TRHDE: variants seen among roughly 807,000 people sequenced by gnomAD.
The protein encoded by TRHDE is thyrotropin releasing hormone degrading enzyme.
TRHDE carries 72 observed loss-of-function variants against 125.7 expected under a neutral mutation model. The observed-to-expected ratio is 0.57, with a 90% CI of 0.47 to 0.70. TRHDE has a LOEUF of 0.70. Ranked by LOEUF, TRHDE falls within the 30% of genes least tolerant of loss-of-function variation. The pLI is 0.00. For missense variants in TRHDE, 1,110 were observed against 1,327.1 expected, an observed-to-expected ratio of 0.84 and a Z score of 2.54; for synonymous variants, 509 against 509.1, an observed-to-expected ratio of 1.00 and a Z score of 0.00.
intron 10 of TRHDE, among the ~76,000 whole-genome samples, chr12:72,574,657 C>G (rs1175760527): frequency 6.6e-6 from 1 of 151,924 alleles, no homozygotes; most frequent in African/African-American, 2.4e-5. Flanking sequence ...CCAAAGTGAT[C>G]CCAATAAGCA....
chr12:72,647,083 G>A (rs889548217), intron 15 of TRHDE, among the ~76,000 whole-genome samples: 4 of 151,864 alleles, frequency 2.6e-5, no homozygotes, highest in Non-Finnish European at 1.5e-5. Flanking sequence ...CATAAAACAA[G>A]TCTTAACAAA....
intron 2 of TRHDE, among the ~76,000 whole-genome samples, chr12:72,151,672 T>C (rs1299736811): frequency 2.0e-5 from 3 of 152,126 alleles, no homozygotes; most frequent in Non-Finnish European, 4.4e-5. Flanking sequence ...CCATTGCTTG[T>C]TTTTCTCAGG....
intron 6 of TRHDE, among the ~76,000 whole-genome samples, chr12:72,540,246 G>T (rs1357288238): frequency 1.3e-5 from 2 of 151,608 alleles, no homozygotes; most frequent in African/African-American, 4.8e-5. Flanking sequence ...GTTCAGATGG[G>T]TAACATAGTC....
chr12:72,303,582 C>T (rs1315149322), intron 2 of TRHDE, among the ~76,000 whole-genome samples: 3 of 152,058 alleles, frequency 2.0e-5, no homozygotes, highest in African/African-American at 7.2e-5. Flanking sequence ...GGAAGCTCAG[C>T]TTTAAGGGTA....
chr12:72,378,014 C>T lies in TRHDE; in HGVS notation c.1208C>T (p.Pro403Leu), dbSNP rs774437304. ...AATTAGGTACGATTATATGCAAGAC[C>T]TGATGCTATCAGAAGAGGATCCGGG... Reference protein sequence around the residue: ...SGVVVRLYARPDAIRRGSGDY... With the variant: ...SGVVVRLYARLDAIRRGSGDY... The change falls in exon 3 of 19, where the codon CCT (proline) becomes CTT (leucine). Residue 403 changes from proline to leucine, a missense_variant. This residue lies in a region of TRHDE where 252 missense variants were observed against 274.8 expected (regional missense o/e 0.92). Coordinates refer to ENST00000261180, the MANE Select transcript of TRHDE (RefSeq NM_013381.3). 4 of 1,595,186 alleles carry T rather than the reference C, an allele frequency of 2.5e-6. No homozygotes were observed. Among genetic ancestry groups the T allele is most frequent in the Non-Finnish European group, 3.4e-6 (4 of 1,172,264 alleles).
At chr12:72,551,843 G>T (rs2135998374) in intron 7 of TRHDE, among the ~76,000 whole-genome samples, 1 of 152,238 alleles carries the variant, frequency 6.6e-6, no homozygotes, top group East Asian at 1.9e-4. Flanking sequence ...GTGAGTGGGT[G>T]GTTGGAGCAA....
intron 1 of TRHDE, among the ~76,000 whole-genome samples, chr12:72,282,490 T>C (rs1309453999): frequency 6.6e-6 from 1 of 152,192 alleles, no homozygotes; most frequent in Non-Finnish European, 1.5e-5. Flanking sequence ...CAAAATTATA[T>C]TTTTGAAATT....
intron 15 of TRHDE, among the ~76,000 whole-genome samples, chr12:72,648,550 TC>T: frequency 6.6e-6 from 1 of 152,242 alleles, no homozygotes; most frequent in Non-Finnish European, 1.5e-5. Flanking sequence ...CAGTATATTT[TC>T]AGGATATAAA....
At chr12:72,314,672 G>T (rs1463710261) in intron 2 of TRHDE, among the ~76,000 whole-genome samples, 2 of 152,026 alleles carry the variant, frequency 1.3e-5, no homozygotes, top group Non-Finnish European at 2.9e-5. Context: ...GACCTACCAA[G>T]AGTCACAGGT....
At chr12:72,481,272 T>A (rs1013444486) in intron 5 of TRHDE, among the ~76,000 whole-genome samples, 1 of 146,076 alleles carries the variant, frequency 6.8e-6, no homozygotes, top group Non-Finnish European at 1.5e-5. Flanking sequence ...GTTCAAGATA[T>A]CCCTAGACAA....
intron 2 of TRHDE, among the ~76,000 whole-genome samples, chr12:72,155,524 T>C (rs758614374): frequency 1.6e-4 from 25 of 152,214 alleles, no homozygotes; most frequent in Middle Eastern, 3.2e-3. Flanking sequence ...TTTGTGGTTT[T>C]ATCTACCTTT....
intron 6 of TRHDE, among the ~76,000 whole-genome samples, chr12:72,513,265 C>A (rs1878687267): frequency 6.6e-6 from 1 of 152,066 alleles, no homozygotes; most frequent in South Asian, 2.1e-4. Context: ...CATATATAAA[C>A]CTCAATCAGA....
chr12:72,406,616 C>T (rs1160362397), intron 3 of TRHDE, among the ~76,000 whole-genome samples: 1 of 152,022 alleles, frequency 6.6e-6, no homozygotes, highest in African/African-American at 2.4e-5. Flanking sequence ...TTACTGCTGT[C>T]CTCCCACTCT....
chr12:72,499,038 GAAA>G (rs1878036448), intron 5 of TRHDE, among the ~76,000 whole-genome samples: 1 of 151,332 alleles, frequency 6.6e-6, no homozygotes, highest in Admixed American at 6.6e-5. Flanking sequence ...GAAGGACAGG[GAAA>G]AAAAGAGCTG....
Position 72,272,767 on chromosome 12 carries a change from T to G in TRHDE, c.124T>G (p.Phe42Val). ...GGGGGCCGAGAAGAGCAGCTCACCC[T>G]TCGCAGCCGCGATGGGGGAAGACGA... ...EEGAEKSSSP[F>V]AAAMGEDDAA... Residue 42 changes from phenylalanine to valine, a missense_variant, in exon 1 of 19, where the codon TTC becomes GTC. Phe to Val is a conservative substitution (Grantham distance 50). This residue lies in a region of TRHDE where 248 missense variants were observed against 240.8 expected (regional missense o/e 1.03). Coordinates refer to ENST00000261180, the MANE Select transcript of TRHDE (RefSeq NM_013381.3). This position sits in a 1 kb window ranked among gnomAD's most constrained non-coding sequence, Gnocchi z 6.7. 1.9e-6 allele frequency: 3 copies of G among 1,542,414 alleles called. No individual in the cohort carries two copies. The highest frequency in any genetic ancestry group is 4.7e-5 in the East Asian group (2 of 42,808).
chr12:72,333,669 C>T (rs1869704043), intron 2 of TRHDE, among the ~76,000 whole-genome samples: 2 of 152,154 alleles, frequency 1.3e-5, no homozygotes, highest in African/African-American at 4.8e-5. Flanking sequence ...TCCTCTTGCC[C>T]ATGTGGCATG....
In TRHDE at chr12:72,345,084, C is replaced by T. The variant is rs557204050; in HGVS notation, c.1189-32911C>T. ...AAAGTGAAACAAGCAAATAGAACTTCGCTTGTTAATTAATGAGGAGTGCAA... is the reference window on the plus strand; with the variant it reads ...AAAGTGAAACAAGCAAATAGAACTTTGCTTGTTAATTAATGAGGAGTGCAA... On this transcript the variant is annotated intron_variant, in intron 2 of 18. Transcript: ENST00000261180. Among the ~76,000 whole-genome samples the T allele has an allele frequency of 9.2e-5, 14 of 152,082 alleles. No individual in the cohort carries two copies. The South Asian group carries it at 1.0e-3, about 11-fold the overall frequency.
At chr12:72,412,314 A>G (rs374500140) in intron 3 of TRHDE, among the ~76,000 whole-genome samples, 9 of 152,310 alleles carry the variant, frequency 5.9e-5, no homozygotes, top group African/African-American at 2.2e-4. Flanking sequence ...CAAATGGTCA[A>G]TGTGTATATA....
chr12:72,163,693 C>T (rs956716919), intron 2 of TRHDE, among the ~76,000 whole-genome samples: 8 of 152,056 alleles, frequency 5.3e-5, no homozygotes, highest in African/African-American at 1.4e-4. Flanking sequence ...GACTTAATGG[C>T]GGCTTAAGCT....
Sources: allele counts gnomAD v4.1 joint callset (sites outside exome capture counted in the v4.1 genomes callset), GRCh38; gene constraint gnomAD v4.1.1; regional missense constraint gnomAD v4.1.1; non-coding constraint Gnocchi (gnomAD v3.1); transcripts MANE v1.5; gene names NCBI Gene and HGNC (gene_info 2026-07-23, HGNC 2026-07-21).